The following EP400 variants were observed in gnomAD, a reference collection of about 807,000 sequenced individuals.
EP400 encodes the protein E1A binding protein p400.
A neutral mutation model predicts 354.1 loss-of-function variants in EP400; 105 were observed. The ratio of observed to expected loss-of-function variants is 0.30; its 90% CI spans 0.25 to 0.35. EP400 has a LOEUF of 0.35. Ranked by LOEUF, EP400 falls within the 10% of genes least tolerant of loss-of-function variation. The probability of loss-of-function intolerance (pLI) is 1.00; values close to 1 mark genes in which losing one functional copy is unlikely to be tolerated. For missense variants in EP400, 3,280 were observed against 4,121.0 expected (o/e 0.80, Z 5.59); for synonymous variants, 1,646 against 1,716.9 (o/e 0.96, Z 1.02).
intron 12 of EP400, among the ~76,000 whole-genome samples, chr12:131,996,168 G>A (rs1893207551): frequency 6.6e-6 from 1 of 152,132 alleles, no homozygotes; most frequent in Non-Finnish European, 1.5e-5. Context: ...CTGGTTCCCT[G>A]TGTTTGCTGT....
In EP400 at chr12:132,062,639, C is replaced by G; in HGVS notation, c.8272C>G (p.Pro2758Ala). ...GACGACGACCTCTCAGGTGCAAGTT[C>G]CACAGATCCAGGGCCAGGCCCAGTC... is the stretch of plus-strand genomic sequence containing the variant. ...QTTTTSQVQVPQIQGQAQSPA... is the reference protein window; with the variant it reads ...QTTTTSQVQVAQIQGQAQSPA... The change falls in exon 47 of 53, where the codon CCA becomes GCA. Residue 2758 changes from proline (P) to alanine (A), a missense_variant. Around this residue, in one of 20 missense-constraint regions of EP400, gnomAD observed 47 missense variants for 55.6 expected, o/e 0.85. Transcript: ENST00000389561. 1.2e-6 allele frequency: 2 copies of G among 1,614,098 alleles called. No homozygotes were observed. Among genetic ancestry groups the G allele is most frequent in the Non-Finnish European group, 1.7e-6 (2 of 1,180,002 alleles).
intron 1 of EP400, among the ~76,000 whole-genome samples, chr12:131,958,952 A>T (rs773403717): frequency 2.0e-5 from 3 of 152,240 alleles, no homozygotes; most frequent in Non-Finnish European, 4.4e-5. Context: ...AAGCTCCCTG[A>T]TAGCTGTCCA....
intron 2 of EP400, among the ~76,000 whole-genome samples, chr12:131,978,992 G>A (rs1243257977): frequency 2.6e-5 from 4 of 152,042 alleles, no homozygotes; most frequent in East Asian, 1.9e-4. Context: ...CGAGGCAGGC[G>A]GATCATGAGG....
chr12:132,069,472 C>T (rs1387166894), intron 50 of EP400, 23 bp from the exon 51 acceptor site: 1 of 1,611,594 alleles, frequency 6.2e-7, no homozygotes, highest in South Asian at 1.1e-5. Context: ...CTCTGCGGCC[C>T]TAATTTCGCA....
chr12:131,950,285 C>T (rs922959329), intron 1 of EP400, among the ~76,000 whole-genome samples: 3 of 152,074 alleles, frequency 2.0e-5, no homozygotes, highest in African/African-American at 4.8e-5. Flanking sequence ...CGATCCGCGC[C>T]CATTTCTCGT....
At chr12:131,976,487 G>C (rs1892477876) in intron 2 of EP400, among the ~76,000 whole-genome samples, 1 of 152,200 alleles carries the variant, frequency 6.6e-6, no homozygotes, top group Non-Finnish European at 1.5e-5. Flanking sequence ...GCTGAGGCGG[G>C]TGGATCACAA....
intron 1 of EP400, among the ~76,000 whole-genome samples, chr12:131,954,720 A>G (rs10902484): frequency 0.99 from 132,718 of 133,530 alleles, 65,958 homozygotes; most frequent in Middle Eastern, 1. Flanking sequence ...GTGAGACTCC[A>G]TCTCAGAAAA....
intron 2 of EP400, among the ~76,000 whole-genome samples, chr12:131,978,258 T>G (rs1194185169): frequency 6.6e-6 from 1 of 152,210 alleles, no homozygotes; most frequent in African/African-American, 2.4e-5. Flanking sequence ...CCCGCCCATG[T>G]GCACAGCCTC....
chr12:131,959,486 G>T (rs1026672816), intron 1 of EP400, among the ~76,000 whole-genome samples: 4 of 152,164 alleles, frequency 2.6e-5, no homozygotes, highest in African/African-American at 9.7e-5. Flanking sequence ...ACCCTTGTCT[G>T]CTCCATCCTC....
Position 132,065,142 on chromosome 12 carries a change from G to GCCCT in EP400, c.8553+257_8553+258insCCTC, listed in dbSNP as rs1895848200. ...TTGAATTGAGGGGGGTGGAGAGTGA[G>GCCCT]CGAGGTGAGATGCAGCCTGCGTGGC... On this transcript the variant is annotated intron_variant, in intron 48 of 52. Coordinates refer to ENST00000389561, the MANE Select transcript of EP400 (RefSeq NM_015409.5). The GCCCT allele has an allele frequency of 6.1e-6, 4 of 651,106 alleles. No homozygotes were observed. In the East Asian group the frequency reaches 1.2e-4, roughly 19 times the overall value. The allele number at this position is 651,106 out of a possible 1,614,324, so 40.3% of individuals were successfully genotyped here.
At position 132,069,412 on chromosome 12, in the gene EP400, A is replaced by G. The variant is rs367624750; in HGVS notation, c.8875-83A>G. 7.8e-4 allele frequency: 1,213 copies of G among 1,555,462 alleles called. 22 individuals carry two copies. In the South Asian group the frequency reaches 0.014, roughly 18 times the overall value. On this transcript the variant is annotated intron_variant, in intron 50 of 52. Transcript: ENST00000389561. Reference sequence around the variant, plus strand: ...GGCTGGAAAGGGGCTGGGTTCTGCCATAGGGCCCAGAGCGGGCAGGCGTCC... The same window carrying G: ...GGCTGGAAAGGGGCTGGGTTCTGCCGTAGGGCCCAGAGCGGGCAGGCGTCC...
At chr12:131,984,704 C>CT (rs954288416) in intron 5 of EP400, among the ~76,000 whole-genome samples, 93 of 146,482 alleles carry the variant, frequency 6.3e-4, no homozygotes, top group African/African-American at 7.0e-4. Flanking sequence ...TTTATTTTAT[C>CT]TTTTTTTTTT....
intron 45 of EP400, 28 bp downstream of exon 45, chr12:132,055,236 A>C (rs963844568): frequency 6.7e-7 from 1 of 1,483,998 alleles, no homozygotes; most frequent in African/African-American, 1.4e-5. Context: ...TGGGTTGTGC[A>C]CCTTGACTGC....
intron 2 of EP400, among the ~76,000 whole-genome samples, chr12:131,978,917 C>A (rs1892577820): frequency 6.6e-6 from 1 of 151,944 alleles, no homozygotes; most frequent in Non-Finnish European, 1.5e-5. Context: ...TAAAAATATC[C>A]TTTTAAAGCT....
In EP400 at chr12:131,994,093, G is replaced by A. The variant is rs561468049; in HGVS notation, c.2738-774G>A. 2.0e-4 allele frequency among the ~76,000 whole-genome samples: 30 copies of A among 152,228 alleles called. No individual in the cohort carries two copies. The highest frequency in any genetic ancestry group is 1.5e-3 in the Admixed American group (23 of 15,292). ...GCCTGTCGTGAGCCACCAGGGTGTC[G>A]AGTACAGTCAGGAAAGGCAGCACCT... is the stretch of plus-strand genomic sequence containing the variant. On this transcript the variant is annotated intron_variant, in intron 11 of 52. Coordinates refer to ENST00000389561, the MANE Select transcript of EP400 (RefSeq NM_015409.5). This position sits in a 1 kb window ranked among gnomAD's most constrained non-coding sequence, Gnocchi z 4.6.
chr12:131,960,087 G>A (rs1891827827), intron 1 of EP400, among the ~76,000 whole-genome samples: 1 of 152,240 alleles, frequency 6.6e-6, no homozygotes, highest in Non-Finnish European at 1.5e-5. Flanking sequence ...GCTGGGAGCA[G>A]GGAGTTGTCC....
chr12:132,027,700 AC>A lies in EP400; in HGVS notation c.5109+170del, dbSNP rs1040598280. Among the ~76,000 whole-genome samples the A allele has an allele frequency of 6.6e-6, 1 of 152,256 alleles. No homozygotes were observed. The highest frequency in any genetic ancestry group is 2.4e-5 in the African/African-American group (1 of 41,468). ...TAATAAAATAAATGAAACTGGACTT[AC>A]GACTGCCACAATCTTTTTTTGTATT... On this transcript the variant is annotated intron_variant, in intron 26 of 52. Coordinates refer to ENST00000389561, the MANE Select transcript of EP400 (RefSeq NM_015409.5). The surrounding 1 kb of genome is among the most constrained non-coding windows in gnomAD (Gnocchi z 4.9).
At chr12:132,048,591 C>T (rs574180576) in intron 39 of EP400, among the ~76,000 whole-genome samples, 89 of 149,416 alleles carry the variant, frequency 6.0e-4, no homozygotes, top group African/African-American at 1.9e-3. Context: ...GGCACGATCT[C>T]GGCTCACTGC....
At chr12:132,076,836 C>G (rs1281140482) in intron 52 of EP400, among the ~76,000 whole-genome samples, 1 of 152,234 alleles carries the variant, frequency 6.6e-6, no homozygotes, top group Non-Finnish European at 1.5e-5. Context: ...ATTCACTGAT[C>G]ATCGCGGGTG....
Sources: gnomAD v4.1 joint callset for allele counts (sites outside exome capture counted in the v4.1 genomes callset) on GRCh38, gnomAD v4.1.1 for gene constraint, gnomAD v4.1.1 regional missense constraint, Gnocchi (gnomAD v3.1) non-coding constraint, MANE v1.5 for transcripts, NCBI Gene and HGNC (gene_info 2026-07-23, HGNC 2026-07-21) for gene names.